Variants in ETV1 observed in about 807,000 individuals in gnomAD.
ETV1 encodes ETS translocation variant 1.
ETV1 carries 27 observed loss-of-function variants against 62.3 expected under a neutral mutation model. That is an observed-to-expected ratio of 0.43 (90% CI 0.32 to 0.60). The LOEUF (loss-of-function observed/expected upper bound fraction) is 0.60, where lower values mean the gene tolerates loss of function less well. Ranked by LOEUF, ETV1 falls within the 20% of genes least tolerant of loss-of-function variation. The pLI is 0.06. For missense variants in ETV1, 605 were observed against 605.8 expected, an observed-to-expected ratio of 1.00 and a Z score of 0.01; for synonymous variants, 222 against 199.6, an observed-to-expected ratio of 1.11 and a Z score of -0.94.
At chr7:13,930,975 T>C (rs138507778) in intron 9 of ETV1, among the ~76,000 whole-genome samples, 5,585 of 151,690 alleles carry the variant, frequency 0.037, 142 homozygotes, top group Non-Finnish European at 0.06. Context: ...TAATTTTTTG[T>C]ACTTTTAGTA....
rs1790713994 is a variant in ETV1, at chr7:13,965,792, C to T, written c.235+11635G>A. Among the ~76,000 whole-genome samples, 3 of 152,248 alleles carry T rather than the reference C, an allele frequency of 2.0e-5. No individual in the cohort carries two copies. The South Asian group carries it at 6.2e-4, about 32-fold the overall frequency. On this transcript the variant is annotated intron_variant, in intron 6 of 13. Transcript: ENST00000430479. ...ATGTTACATAAATGCAAACAGCTTTCCATTAGCCCTCAAAGAAAAATAAAA... is the reference window on the plus strand; with the variant it reads ...ATGTTACATAAATGCAAACAGCTTTTCATTAGCCCTCAAAGAAAAATAAAA...
rs1424455749 is a variant in ETV1, at chr7:13,989,361, C to T, written c.-181G>A. ...GAGGCGATGTATTTATTTACACTCTCGATGTTTCCCTGCGCGGTCGGTGTA... is the reference window on the plus strand; with the variant it reads ...GAGGCGATGTATTTATTTACACTCTTGATGTTTCCCTGCGCGGTCGGTGTA... On this transcript the variant is annotated 5_prime_UTR_variant, in exon 2 of 14. Coordinates refer to ENST00000430479, the MANE Select transcript of ETV1 (RefSeq NM_004956.5). The T allele has an allele frequency of 1.4e-5, 7 of 483,658 alleles. No homozygotes were observed. The highest frequency in any genetic ancestry group is 2.5e-5 in the Non-Finnish European group (7 of 276,692). 30.0% of individuals were successfully genotyped at this position (483,658 alleles called of 1,614,324 possible). A position where few individuals can be genotyped will look rare whatever the true frequency, so the allele number is the denominator to read the frequency against.
intron 6 of ETV1, among the ~76,000 whole-genome samples, chr7:13,960,365 A>T (rs1790024052): frequency 1.3e-5 from 2 of 152,180 alleles, no homozygotes; most frequent in African/African-American, 4.8e-5. Flanking sequence ...TTAAGTAGAT[A>T]TTGATACTGC....
chr7:13,959,562 G>C (rs1220633454), intron 6 of ETV1, among the ~76,000 whole-genome samples: 1 of 151,978 alleles, frequency 6.6e-6, no homozygotes, highest in Non-Finnish European at 1.5e-5. Flanking sequence ...GTCTAAAATG[G>C]AATGAGTCTC....
Position 13,896,107 on chromosome 7 carries a change from G to GA in ETV1, c.1213-21dup. ...AGCCACCTGATGATAACATGGAAGA[G>GA]AAAAACCCATCCTCACCATCGCCAG... is the stretch of plus-strand genomic sequence containing the variant. On this transcript the variant is annotated intron_variant, in intron 13 of 13. Coordinates refer to ENST00000430479, the MANE Select transcript of ETV1 (RefSeq NM_004956.5). The GA allele has an allele frequency of 6.3e-7, 1 of 1,596,300 alleles. No individual in the cohort carries two copies. Among genetic ancestry groups the GA allele is most frequent in the South Asian group, 1.1e-5 (1 of 89,484 alleles).
chr7:13,917,553 G>A (rs1429144904), intron 9 of ETV1, among the ~76,000 whole-genome samples: 1 of 151,960 alleles, frequency 6.6e-6, no homozygotes, highest in African/African-American at 2.4e-5. Flanking sequence ...CCTGACCTCA[G>A]GTGATCTGCC....
chr7:13,977,044 A>G (rs951944927), intron 6 of ETV1, among the ~76,000 whole-genome samples: 2 of 152,154 alleles, frequency 1.3e-5, no homozygotes, highest in African/African-American at 4.8e-5. Flanking sequence ...TTTTAACTCT[A>G]CCTCCCATCA....
At chr7:13,909,114 A>C (rs909060569) in intron 11 of ETV1, among the ~76,000 whole-genome samples, 3 of 147,962 alleles carry the variant, frequency 2.0e-5, no homozygotes, top group African/African-American at 7.5e-5. Context: ...ATGCTACATT[A>C]GTAACATACA....
At chr7:13,918,988 C>T (rs182376994) in intron 9 of ETV1, among the ~76,000 whole-genome samples, 320 of 151,878 alleles carry the variant, frequency 2.1e-3, no homozygotes, top group African/African-American at 7.2e-3. Flanking sequence ...GCCCCAAATA[C>T]TGTACTTTAA....
At chr7:13,913,562 T>C (rs916083061) in intron 9 of ETV1, among the ~76,000 whole-genome samples, 1 of 152,190 alleles carries the variant, frequency 6.6e-6, no homozygotes, top group Non-Finnish European at 1.5e-5. Context: ...ACTGTAAGAA[T>C]TCACCATATG....
intron 6 of ETV1, among the ~76,000 whole-genome samples, chr7:13,952,600 G>T (rs1029666221): frequency 3.3e-5 from 5 of 152,140 alleles, no homozygotes; most frequent in African/African-American, 1.2e-4. Flanking sequence ...ATGTAATACG[G>T]TTAACATTTT....
intron 6 of ETV1, among the ~76,000 whole-genome samples, chr7:13,957,043 T>C (rs1789546597): frequency 6.6e-6 from 1 of 152,156 alleles, no homozygotes; most frequent in African/African-American, 2.4e-5. Flanking sequence ...CTATATTTAC[T>C]GCTACGTAAA....
Position 13,892,785 on chromosome 7 carries a change from A to C in ETV1, c.*3081T>G, listed in dbSNP as rs1302072042. 1 of 232,364 alleles carries C rather than the reference A, an allele frequency of 4.3e-6. No individual in the cohort carries two copies. The highest frequency in any genetic ancestry group is 8.5e-6 in the Non-Finnish European group (1 of 117,582). The allele number at this position is 232,364 out of a possible 1,614,324, so 14.4% of individuals were successfully genotyped here. A position where few individuals can be genotyped will look rare whatever the true frequency, so the allele number is the denominator to read the frequency against. On this transcript the variant is annotated 3_prime_UTR_variant, in exon 14 of 14. Transcript: ENST00000430479. The stretch of plus-strand genomic sequence containing the variant: ...AAGCAGAGATTGAAGTGATGTAGCC[A>C]GGAGCCAAGGAATGTCAGCAGACTC...
intron 6 of ETV1, among the ~76,000 whole-genome samples, chr7:13,943,651 G>A (rs1333178094): frequency 6.6e-6 from 1 of 152,070 alleles, no homozygotes; most frequent in Non-Finnish European, 1.5e-5. Flanking sequence ...AATAAATCAT[G>A]GCATATGCAT....
chr7:13,912,226 C>G (rs1039411943), intron 9 of ETV1, among the ~76,000 whole-genome samples: 2 of 152,138 alleles, frequency 1.3e-5, no homozygotes, highest in African/African-American at 2.4e-5. Context: ...TGCAGTCTTT[C>G]CTTCCCAGAG....
At chr7:13,908,999 T>C (rs1029128958) in intron 11 of ETV1, among the ~76,000 whole-genome samples, 3 of 152,114 alleles carry the variant, frequency 2.0e-5, no homozygotes, top group Non-Finnish European at 4.4e-5. Context: ...AAAATTCAAT[T>C]TAACTTGACA....
chr7:13,903,362 A>G (rs1782628912), intron 12 of ETV1, among the ~76,000 whole-genome samples: 1 of 152,212 alleles, frequency 6.6e-6, no homozygotes, highest in African/African-American at 2.4e-5. Context: ...TGATAACAAC[A>G]ATCAGGGCCT....
chr7:13,952,413 A>C (rs1289953342), intron 6 of ETV1, among the ~76,000 whole-genome samples: 1 of 152,206 alleles, frequency 6.6e-6, no homozygotes, highest in East Asian at 1.9e-4. Flanking sequence ...TAATAAGGGC[A>C]CACACAGAGC....
chr7:13,977,518 GA>G, intron 5 of ETV1, 38 bp from the exon 6 acceptor site: 1 of 1,376,958 alleles, frequency 7.3e-7, no homozygotes, highest in Admixed American at 2.0e-5. Flanking sequence ...AATTAAGAGA[GA>G]AACTGCCAAA....
Sources: allele counts gnomAD v4.1 joint callset (sites outside exome capture counted in the v4.1 genomes callset), GRCh38; gene constraint gnomAD v4.1.1; transcripts MANE v1.5; gene names NCBI Gene and HGNC (gene_info 2026-07-23, HGNC 2026-07-21).